SLC41A2: variants seen among roughly 807,000 people sequenced by gnomAD.
The protein encoded by SLC41A2 is solute carrier family 41 member 2.
In SLC41A2, 32 loss-of-function variants were observed where a neutral mutation model predicts 58.3. The ratio of observed to expected loss-of-function variants is 0.55; its 90% CI spans 0.41 to 0.74. The LOEUF (loss-of-function observed/expected upper bound fraction) is 0.74. Among genes scored for constraint, SLC41A2 ranks in the 30% least tolerant of loss-of-function variants. The pLI is 0.00. For synonymous variants in SLC41A2, 190 were observed against 235.0 expected (o/e 0.81, Z 1.75); for missense variants, 514 against 680.6 (o/e 0.76, Z 2.72).
At chr12:104,934,510 AAAAAG>A (rs2047188194) in intron 1 of SLC41A2, among the ~76,000 whole-genome samples, 1 of 152,218 alleles carries the variant, frequency 6.6e-6, no homozygotes, top group African/African-American at 2.4e-5. Flanking sequence ...TAGAGAAAAA[AAAAAG>A]AGCATCTACA....
intron 10 of SLC41A2, among the ~76,000 whole-genome samples, chr12:104,843,824 T>C (rs2042507350): frequency 1.3e-5 from 2 of 152,172 alleles, no homozygotes; most frequent in African/African-American, 4.8e-5. Context: ...TTTGTGAGAA[T>C]TAAATGAATC....
intron 1 of SLC41A2, among the ~76,000 whole-genome samples, chr12:104,943,540 C>T (rs866714588): frequency 5.9e-5 from 9 of 152,182 alleles, no homozygotes; most frequent in African/African-American, 1.7e-4. Context: ...AGATCTACCA[C>T]GGACCCCTGG....
intron 8 of SLC41A2, among the ~76,000 whole-genome samples, chr12:104,856,690 G>C (rs2043031590): frequency 6.6e-6 from 1 of 152,198 alleles, no homozygotes; most frequent in Non-Finnish European, 1.5e-5. Flanking sequence ...CCAGGGCACA[G>C]GTCAACTAGT....
intron 4 of SLC41A2, among the ~76,000 whole-genome samples, chr12:104,894,221 G>A (rs2045168788): frequency 2.6e-5 from 4 of 151,920 alleles, no homozygotes; most frequent in Admixed American, 2.6e-4. Flanking sequence ...AGGCGTGGTG[G>A]CGCGTACCTG....
At position 104,837,286 on chromosome 12, in the gene SLC41A2, G is replaced by A. The variant is rs144688087; in HGVS notation, c.1536+7186C>T. 8.6e-4 allele frequency among the ~76,000 whole-genome samples: 131 copies of A among 152,264 alleles called. 1 individual carries two copies. The highest frequency in any genetic ancestry group is 3.1e-3 in the African/African-American group (127 of 41,552). Reference sequence around the variant, plus strand: ...ATGACGGTCAGGATTTGGGGCACCCGTACACATGAAATACAGAGTCTATGG... The same window carrying A: ...ATGACGGTCAGGATTTGGGGCACCCATACACATGAAATACAGAGTCTATGG... On this transcript the variant is annotated intron_variant, in intron 10 of 10. Coordinates refer to ENST00000258538, the MANE Select transcript of SLC41A2 (RefSeq NM_001352171.3).
intron 10 of SLC41A2, among the ~76,000 whole-genome samples, chr12:104,833,182 G>T (rs1478899234): frequency 2.0e-5 from 3 of 152,140 alleles, no homozygotes; most frequent in Admixed American, 2.0e-4. Flanking sequence ...CCACAGTAAC[G>T]AGTAGCCACC....
chr12:104,831,786 C>T (rs2042046035), intron 10 of SLC41A2, among the ~76,000 whole-genome samples: 1 of 152,002 alleles, frequency 6.6e-6, no homozygotes, highest in African/African-American at 2.4e-5. Context: ...ACATAGAAAA[C>T]AGTGTGATGA....
intron 8 of SLC41A2, among the ~76,000 whole-genome samples, chr12:104,858,535 TA>T (rs1256237612): frequency 6.6e-6 from 1 of 152,186 alleles, no homozygotes; most frequent in African/African-American, 2.4e-5. Context: ...GTCCTTTAAA[TA>T]GTACATTCCC....
chr12:104,882,906 A>C (rs1388254433), intron 6 of SLC41A2, among the ~76,000 whole-genome samples: 3 of 152,172 alleles, frequency 2.0e-5, no homozygotes, highest in Non-Finnish European at 2.9e-5. Flanking sequence ...TAATATCCTG[A>C]AGAGTGTTTT....
chr12:104,920,497 GCT>G (rs2046542101), intron 2 of SLC41A2, among the ~76,000 whole-genome samples: 1 of 151,748 alleles, frequency 6.6e-6, no homozygotes, highest in Non-Finnish European at 1.5e-5. Context: ...TTCATTGAAA[GCT>G]CTCAACAGAA....
intron 2 of SLC41A2, among the ~76,000 whole-genome samples, chr12:104,923,668 T>C (rs773805585): frequency 5.9e-5 from 9 of 151,940 alleles, no homozygotes; most frequent in Non-Finnish European, 1.2e-4. Context: ...ATACAAAGAA[T>C]CATCAAAGAC....
intron 1 of SLC41A2, among the ~76,000 whole-genome samples, chr12:104,938,747 GTTTATT>G (rs2047382979): frequency 6.6e-6 from 1 of 152,186 alleles, no homozygotes; most frequent in Admixed American, 6.5e-5. Flanking sequence ...GTTTGGAATT[GTTTATT>G]ATCACAGCAT....
At chr12:104,853,610 C>A (rs1303184766) in intron 8 of SLC41A2, among the ~76,000 whole-genome samples, 3 of 152,128 alleles carry the variant, frequency 2.0e-5, no homozygotes, top group Non-Finnish European at 4.4e-5. Context: ...ATTACCTTTA[C>A]CATTTCCCTC....
chr12:104,846,067 G>A, intron 8 of SLC41A2, 93 bp from the exon 9 acceptor site: 4 of 1,296,730 alleles, frequency 3.1e-6, no homozygotes, highest in South Asian at 1.5e-5. Flanking sequence ...GTAACATTCT[G>A]GGCCAATAAA....
At chr12:104,847,246 A>G (rs2042629803) in intron 8 of SLC41A2, among the ~76,000 whole-genome samples, 1 of 151,778 alleles carries the variant, frequency 6.6e-6, no homozygotes, top group South Asian at 2.1e-4. Context: ...ATCAAGGGGG[A>G]AAAAAATGGC....
chr12:104,805,860 C>T (rs753014882), intron 10 of SLC41A2, among the ~76,000 whole-genome samples: 112 of 151,860 alleles, frequency 7.4e-4, no homozygotes, highest in Admixed American at 1.9e-3. Context: ...TTAGAAATGG[C>T]TCATCTATGT....
intron 7 of SLC41A2, among the ~76,000 whole-genome samples, chr12:104,861,669 A>G (rs2136425800): frequency 1.3e-5 from 2 of 152,336 alleles, no homozygotes; most frequent in Admixed American, 6.5e-5. Context: ...ACGAGAAATT[A>G]TTAACCATGT....
chr12:104,933,044 T>A (rs1170123054), intron 1 of SLC41A2, among the ~76,000 whole-genome samples: 1 of 151,906 alleles, frequency 6.6e-6, no homozygotes, highest in Non-Finnish European at 1.5e-5. Context: ...GAGACATAAT[T>A]GAATGAAAAA....
Position 104,843,920 on chromosome 12 carries a change from A to G in SLC41A2, c.1536+552T>C, listed in dbSNP as rs183900593. Among the ~76,000 whole-genome samples, 7 of 152,252 alleles carry G rather than the reference A, an allele frequency of 4.6e-5. No individual in the cohort carries two copies. The East Asian group carries it at 9.6e-4, about 21-fold the overall frequency. ...AATTTCATTACCATCATTATCATCA[A>G]TGTAGTTTCTTTTGAGTGTAATAAT... On this transcript the variant is annotated intron_variant, in intron 10 of 10. Transcript: ENST00000258538.
Sources: gnomAD v4.1 joint callset for allele counts (sites outside exome capture counted in the v4.1 genomes callset) on GRCh38, gnomAD v4.1.1 for gene constraint, MANE v1.5 for transcripts, NCBI Gene and HGNC (gene_info 2026-07-23, HGNC 2026-07-21) for gene names.